The following PAMR1 variants were observed in gnomAD, a reference collection of about 807,000 sequenced individuals.
PAMR1 encodes the protein peptidase domain containing associated with muscle regeneration 1.
Under a neutral mutation model 81.8 loss-of-function variants are expected in PAMR1, and 88 were observed. The observed-to-expected ratio is 1.08, with a 90% CI of 0.91 to 1.28. PAMR1 has a LOEUF of 1.28. Among genes scored for constraint, PAMR1 ranks in the 50% most tolerant of loss-of-function variants. The pLI, the probability that PAMR1 is intolerant of heterozygous loss-of-function variation, is 0.00. For missense variants in PAMR1, 935 were observed against 919.7 expected (o/e 1.02, Z -0.21); for synonymous variants, 336 against 345.3 (o/e 0.97, Z 0.30).
At chr11:35,505,134 T>C (rs947418839) in intron 1 of PAMR1, among the ~76,000 whole-genome samples, 2 of 152,172 alleles carry the variant, frequency 1.3e-5, no homozygotes, top group African/African-American at 4.8e-5. Flanking sequence ...AGGCACATTG[T>C]TTAATTTCCA....
chr11:35,440,437 A>C (rs1565326036), intron 7 of PAMR1, among the ~76,000 whole-genome samples: 1 of 152,196 alleles, frequency 6.6e-6, no homozygotes, highest in Non-Finnish European at 1.5e-5. Flanking sequence ...GCTAAAGTCT[A>C]AAGTGATTTA....
chr11:35,471,563 G>A (rs1850186786), intron 4 of PAMR1, among the ~76,000 whole-genome samples: 1 of 152,170 alleles, frequency 6.6e-6, no homozygotes, highest in Non-Finnish European at 1.5e-5. Flanking sequence ...AGAATCAGAA[G>A]GTAATTATCT....
chr11:35,480,186 T>A (rs542752761), intron 3 of PAMR1, among the ~76,000 whole-genome samples: 1 of 152,284 alleles, frequency 6.6e-6, no homozygotes, highest in East Asian at 1.9e-4. Context: ...AAAAAACCAA[T>A]TCAAACTTAT....
At chr11:35,503,540 T>C (rs1565356301) in intron 1 of PAMR1, among the ~76,000 whole-genome samples, 1 of 152,108 alleles carries the variant, frequency 6.6e-6, no homozygotes, top group South Asian at 2.1e-4. Context: ...GTGACCTCTT[T>C]AATTTCTTTC....
intron 6 of PAMR1, among the ~76,000 whole-genome samples, chr11:35,448,774 G>C (rs1034073262): frequency 6.6e-6 from 1 of 152,102 alleles, no homozygotes; most frequent in African/African-American, 2.4e-5. Context: ...CATCTTCATG[G>C]GTTTATCTAC....
chr11:35,456,061 G>A (rs1036021618), intron 6 of PAMR1, among the ~76,000 whole-genome samples: 2 of 152,088 alleles, frequency 1.3e-5, no homozygotes, highest in Non-Finnish European at 1.5e-5. Context: ...TTACTTCTTT[G>A]GGCCAACTCA....
intron 3 of PAMR1, among the ~76,000 whole-genome samples, chr11:35,478,759 G>A (rs1249284848): frequency 1.3e-5 from 2 of 152,178 alleles, no homozygotes; most frequent in African/African-American, 2.4e-5. Flanking sequence ...ACCAGAGCAG[G>A]CAAAGAGCCT....
At chr11:35,487,911 C>T (rs953158534) in intron 3 of PAMR1, among the ~76,000 whole-genome samples, 2 of 152,194 alleles carry the variant, frequency 1.3e-5, no homozygotes, top group African/African-American at 4.8e-5. Context: ...TGAAACAAGA[C>T]ATGGCACATA....
intron 10 of PAMR1, among the ~76,000 whole-genome samples, chr11:35,433,581 A>G (rs1426733599): frequency 6.6e-6 from 1 of 152,246 alleles, no homozygotes; most frequent in Non-Finnish European, 1.5e-5. Flanking sequence ...CACATTGATT[A>G]TGATACATTG....
At chr11:35,455,697 T>C (rs757776270) in intron 6 of PAMR1, among the ~76,000 whole-genome samples, 3 of 152,174 alleles carry the variant, frequency 2.0e-5, no homozygotes, top group Non-Finnish European at 2.9e-5. Context: ...ACTATTGATT[T>C]GATTCATTTT....
At chr11:35,480,158 T>C (rs369512448) in intron 3 of PAMR1, among the ~76,000 whole-genome samples, 2 of 152,212 alleles carry the variant, frequency 1.3e-5, no homozygotes, top group South Asian at 2.1e-4. Flanking sequence ...AACTACTAAC[T>C]GAATGAATAG....
At chr11:35,440,685 G>T (rs1033600651) in intron 7 of PAMR1, among the ~76,000 whole-genome samples, 6 of 152,170 alleles carry the variant, frequency 3.9e-5, no homozygotes, top group Admixed American at 2.6e-4. Flanking sequence ...TGCCAATGGG[G>T]AAGGTTCAAA....
intron 6 of PAMR1, among the ~76,000 whole-genome samples, chr11:35,460,864 G>C (rs1359075125): frequency 6.6e-6 from 1 of 152,190 alleles, no homozygotes; most frequent in Non-Finnish European, 1.5e-5. Context: ...GGTATTTCTA[G>C]TTCTAGATCC....
At chr11:35,522,802 T>C (rs1851307443) in intron 1 of PAMR1, among the ~76,000 whole-genome samples, 1 of 152,244 alleles carries the variant, frequency 6.6e-6, no homozygotes, top group African/African-American at 2.4e-5. Flanking sequence ...AGAACCTCTC[T>C]GAACCTCATC....
chr11:35,476,526 G>A (rs1031721337), intron 3 of PAMR1, among the ~76,000 whole-genome samples: 5 of 152,126 alleles, frequency 3.3e-5, no homozygotes, highest in Non-Finnish European at 7.3e-5. Flanking sequence ...CTTCTGCCAT[G>A]ATTGTAAGAT....
At chr11:35,457,467 T>C (rs1312369947) in intron 6 of PAMR1, among the ~76,000 whole-genome samples, 2 of 151,584 alleles carry the variant, frequency 1.3e-5, no homozygotes, top group East Asian at 3.9e-4. Flanking sequence ...GCCTCCATAA[T>C]TGTGTGAGCC....
At chr11:35,512,115 T>C (rs965793858) in intron 1 of PAMR1, among the ~76,000 whole-genome samples, 6 of 152,310 alleles carry the variant, frequency 3.9e-5, no homozygotes, top group Admixed American at 2.6e-4. Flanking sequence ...GTGATAAAAC[T>C]TTCAATGGAT....
intron 1 of PAMR1, among the ~76,000 whole-genome samples, chr11:35,502,033 A>C (rs1462097007): frequency 2.6e-5 from 4 of 152,168 alleles, no homozygotes; most frequent in Non-Finnish European, 5.9e-5. Context: ...ACTAATATAC[A>C]TTCCCACCAA....
rs1485248849 is a variant in PAMR1, at chr11:35,467,123, C to T, written c.820+878G>A. On this transcript the variant is annotated intron_variant, in intron 6 of 10. Coordinates refer to ENST00000619888, the MANE Select transcript of PAMR1 (RefSeq NM_001001991.3). The stretch of plus-strand genomic sequence containing the variant: ...GGCATATGAAAGCCCAGATCCCTTG[C>T]CTTAAAGCTAGAACATTACTCTAAG... Among the ~76,000 whole-genome samples the T allele has an allele frequency of 4.6e-5, 7 of 152,084 alleles. No homozygotes were observed. In the East Asian group the frequency reaches 9.6e-4, roughly 21 times the overall value.
Sources: gnomAD v4.1 joint callset for allele counts (sites outside exome capture counted in the v4.1 genomes callset) on GRCh38, gnomAD v4.1.1 for gene constraint, MANE v1.5 for transcripts, NCBI Gene and HGNC (gene_info 2026-07-23, HGNC 2026-07-21) for gene names.